The following FRYL variants were observed in gnomAD, a reference collection of about 807,000 sequenced individuals.
FRYL encodes the protein FRY like transcription coactivator.
In FRYL, 150 loss-of-function variants were observed where a neutral mutation model predicts 351.2. The ratio of observed to expected loss-of-function variants is 0.43; its 90% confidence interval spans 0.37 to 0.49. The LOEUF (loss-of-function observed/expected upper bound fraction) is 0.49, where lower values mean the gene tolerates loss of function less well. Among genes scored for constraint, FRYL ranks in the 20% least tolerant of loss-of-function variants. FRYL has a pLI of 0.00. For synonymous variants in FRYL, 1,153 were observed against 1,257.1 expected (o/e 0.92, Z 1.75); for missense variants, 3,036 against 3,619.3 (o/e 0.84, Z 4.13).
At chr4:48,650,553 A>G (rs1249517314) in intron 3 of FRYL, among the ~76,000 whole-genome samples, 1 of 152,202 alleles carries the variant, frequency 6.6e-6, no homozygotes, top group Non-Finnish European at 1.5e-5. Context: ...ATTGCGATGC[A>G]GGCAGAGAGA....
chr4:48,563,852 A>T, intron 31 of FRYL, 96 bp downstream of exon 31: 7 of 1,337,676 alleles, frequency 5.2e-6, no homozygotes, highest in Non-Finnish European at 7.1e-6. Flanking sequence ...ACTGAAGGAC[A>T]ACTAAACTGG....
chr4:48,586,692 A>C lies in FRYL; in HGVS notation c.1677T>G (p.Thr559=). 3 of 1,610,344 alleles carry C rather than the reference A, an allele frequency of 1.9e-6. No individual in the cohort carries two copies. Among genetic ancestry groups the C allele is most frequent in the Middle Eastern group, 1.7e-4 (1 of 6,048 alleles). The change falls in exon 19 of 64, where the codon ACT becomes ACG. Residue 559 remains threonine, a synonymous_variant. Transcript: ENST00000358350. ...TCAACCTTGGAATCGCAGCAATACA[A>C]GTTCTAAACAAATCAATCTTGGGTT... ...ERKPKIDLFR[T]CIAAIPRLIP...
At position 48,535,840 on chromosome 4, in the gene FRYL, T is replaced by A. The variant is rs775156426; in HGVS notation, c.6394-13A>T. 5 of 1,484,454 alleles carry A rather than the reference T, an allele frequency of 3.4e-6. No homozygotes were observed. 92.0% of individuals were successfully genotyped at this position (1,484,454 alleles called of 1,614,324 possible). On this transcript the variant is annotated splice_polypyrimidine_tract_variant and intron_variant, in intron 47 of 63. Transcript: ENST00000358350. ...CTTCTGCACAAACCTAGAAAACAAATAAAATTATTTCATTCACCTAAAATA... is the reference window on the plus strand; with the variant it reads ...CTTCTGCACAAACCTAGAAAACAAAAAAAATTATTTCATTCACCTAAAATA...
intron 13 of FRYL, among the ~76,000 whole-genome samples, chr4:48,599,567 T>C (rs1031605907): frequency 8.5e-5 from 13 of 152,202 alleles, no homozygotes; most frequent in African/African-American, 3.1e-4. Context: ...ATTGCTAACA[T>C]GTTTTCTTAA....
In FRYL at chr4:48,523,027, G is replaced by A; in HGVS notation, c.7395C>T (p.Ser2465=). Residue 2465 remains serine (S), a synonymous_variant, in exon 54 of 64, where the codon TCC becomes TCT. Coordinates refer to ENST00000358350, the MANE Select transcript of FRYL (RefSeq NM_015030.2). Reference sequence around the variant, plus strand: ...TACTAGAGCACTGGTACTCCTGGAGGGATGGAGTGTCCCCTTTGTCAATAC... The same window carrying A: ...TACTAGAGCACTGGTACTCCTGGAGAGATGGAGTGTCCCCTTTGTCAATAC... ...LDSIDKGDTP[S]LQEYQCSSST... 1 of 1,613,686 alleles carries A rather than the reference G, an allele frequency of 6.2e-7. No homozygotes were observed. Among genetic ancestry groups the A allele is most frequent in the Non-Finnish European group, 8.5e-7 (1 of 1,179,646 alleles).
chr4:48,584,238 T>C (rs1028135093), intron 19 of FRYL, among the ~76,000 whole-genome samples: 3 of 152,230 alleles, frequency 2.0e-5, no homozygotes, highest in African/African-American at 7.2e-5. Flanking sequence ...ATAGTCTGAA[T>C]GAATAAGGTA....
At chr4:48,590,523 G>A in intron 17 of FRYL, 136 bp downstream of exon 17, 1 of 562,744 alleles carries the variant, frequency 1.8e-6, no homozygotes, top group Non-Finnish European at 2.9e-6. Flanking sequence ...AAACCCAGAA[G>A]TATTCATTTT....
At chr4:48,537,038 C>A (rs1253929683) in intron 47 of FRYL, among the ~76,000 whole-genome samples, 1 of 151,732 alleles carries the variant, frequency 6.6e-6, no homozygotes, top group East Asian at 1.9e-4. Context: ...AAAACAGACA[C>A]CAGAAAGAAA....
intron 16 of FRYL, among the ~76,000 whole-genome samples, chr4:48,591,899 C>T (rs186634128): frequency 7.9e-5 from 12 of 151,732 alleles, no homozygotes; most frequent in African/African-American, 2.7e-4. Flanking sequence ...CATGACCTTG[C>T]CCCCAGATTT....
intron 1 of FRYL, among the ~76,000 whole-genome samples, chr4:48,715,727 C>T (rs1364525059): frequency 6.6e-6 from 1 of 152,118 alleles, no homozygotes; most frequent in Non-Finnish European, 1.5e-5. Context: ...CAATGCCATC[C>T]CCATCAAGCT....
At chr4:48,530,629 G>T (rs1366343321) in intron 50 of FRYL, among the ~76,000 whole-genome samples, 1 of 151,984 alleles carries the variant, frequency 6.6e-6, no homozygotes, top group East Asian at 1.9e-4. Context: ...GCATTTTTTT[G>T]AACTCTGTGC....
chr4:48,697,498 T>C (rs1766308720), intron 2 of FRYL, among the ~76,000 whole-genome samples: 1 of 152,188 alleles, frequency 6.6e-6, no homozygotes, highest in South Asian at 2.1e-4. Flanking sequence ...ATACTTCTAT[T>C]TTTATTTTTT....
At position 48,557,534 on chromosome 4, in the gene FRYL, C is replaced by T; in HGVS notation, c.4044G>A (p.Arg1348=). Residue 1348 remains arginine (R), a synonymous_variant, in exon 34 of 64, where the codon AGG becomes AGA. Transcript: ENST00000358350. The part of the protein sequence containing the change: ...LKDRELMVTS[R]RWLRGEGWGS... The stretch of plus-strand genomic sequence containing the variant: ...CCCATCCTTCTCCCCGTAACCAGCG[C>T]CTACTAGTCACCATAAGTTCTCGGT... 1 of 1,614,136 alleles carries T rather than the reference C, an allele frequency of 6.2e-7. No homozygotes were observed. Among genetic ancestry groups the T allele is most frequent in the Non-Finnish European group, 8.5e-7 (1 of 1,180,018 alleles).
At chr4:48,542,208 C>A in intron 44 of FRYL, 87 bp from the exon 45 acceptor site, 2 of 882,538 alleles carry the variant, frequency 2.3e-6, no homozygotes, top group Non-Finnish European at 1.9e-6. Context: ...TAAAATAGAA[C>A]AAACTCCATG....
intron 40 of FRYL, among the ~76,000 whole-genome samples, chr4:48,548,272 G>A (rs1731839762): frequency 6.6e-6 from 1 of 152,108 alleles, no homozygotes; most frequent in Admixed American, 6.5e-5. Flanking sequence ...CAGAAGGCAC[G>A]ATGGAGTTTC....
rs1190362661 is a variant in FRYL, at chr4:48,557,680, C to G, written c.3898G>C (p.Ala1300Pro). Reference sequence around the variant, plus strand: ...TAGTGCAGCATCACCTGCCGCCCAGCAGGGTGAGCTGTCTGGATTCTCTGG... The same window carrying G: ...TAGTGCAGCATCACCTGCCGCCCAGGAGGGTGAGCTGTCTGGATTCTCTGG... ...ISQRIQTAHP[A>P]GRQVMLHYLL... Residue 1300 changes from alanine (A) to proline (P), a missense_variant, in exon 34 of 64, where the codon GCT becomes CCT. Physicochemically the swap from Ala to Pro is conservative, Grantham distance 27. Around this residue, in one of 7 missense-constraint regions of FRYL, gnomAD observed 1,987 missense variants for 2,311.7 expected, o/e 0.86. Coordinates refer to ENST00000358350, the MANE Select transcript of FRYL (RefSeq NM_015030.2). 6.2e-7 allele frequency: 1 copy of G among 1,614,022 alleles called. No homozygotes were observed.
chr4:48,761,882 G>A (rs1560368604), intron 1 of FRYL, among the ~76,000 whole-genome samples: 1 of 152,090 alleles, frequency 6.6e-6, no homozygotes, highest in Non-Finnish European at 1.5e-5. Flanking sequence ...AAGTCACTAA[G>A]GACACATTTC....
At chr4:48,706,276 T>C (rs759574521) in intron 2 of FRYL, among the ~76,000 whole-genome samples, 2 of 152,222 alleles carry the variant, frequency 1.3e-5, no homozygotes, top group Non-Finnish European at 2.9e-5. Context: ...GGATAAAATG[T>C]GGTATGTAAA....
At chr4:48,562,220 C>T (rs1473885596) in intron 32 of FRYL, among the ~76,000 whole-genome samples, 2 of 150,710 alleles carry the variant, frequency 1.3e-5, no homozygotes, top group Non-Finnish European at 3.0e-5. Flanking sequence ...AAAAAAAAAA[C>T]CCTTCAAGGA....
Sources: gnomAD v4.1 joint callset for allele counts (sites outside exome capture counted in the v4.1 genomes callset) on GRCh38, gnomAD v4.1.1 for gene constraint, gnomAD v4.1.1 regional missense constraint, MANE v1.5 for transcripts, NCBI Gene and HGNC (gene_info 2026-07-23, HGNC 2026-07-21) for gene names.